The following TRIO variants were observed in gnomAD, a reference collection of about 807,000 sequenced individuals.
TRIO encodes trio Rho guanine nucleotide exchange factor, also known as triple functional domain protein.
A neutral mutation model predicts 351.9 loss-of-function variants in TRIO; 58 were observed. The ratio of observed to expected loss-of-function variants is 0.16; its 90% CI spans 0.13 to 0.21. TRIO has a LOEUF of 0.21. Among genes scored for constraint, TRIO ranks in the 10% least tolerant of loss-of-function variants. The pLI, the probability that TRIO is intolerant of heterozygous loss-of-function variation, is 1.00. For synonymous variants in TRIO, 1,758 were observed against 1,595.7 expected, an observed-to-expected ratio of 1.10 and a Z score of -2.42; for missense variants, 3,201 against 4,027.8, an observed-to-expected ratio of 0.79 and a Z score of 5.56.
intron 1 of TRIO, among the ~76,000 whole-genome samples, chr5:14,163,570 G>A (rs952608559): frequency 1.3e-5 from 2 of 152,190 alleles, no homozygotes; most frequent in African/African-American, 2.4e-5. Flanking sequence ...TCTAGCCTGG[G>A]TCTGATGTGT....
rs371809602 is a variant in TRIO at position 14,310,156 on chromosome 5, G to A, written c.1500+5564G>A. ...AGAGTGAAGCAGTGTAAACGTCGGA[G>A]ATAAGTTGTAGTCATTTTTAACATT... On this transcript the variant is annotated intron_variant, in intron 8 of 56. Transcript: ENST00000344204. Among the ~76,000 whole-genome samples the A allele has an allele frequency of 2.0e-5, 3 of 152,370 alleles. 1 individual carries two copies. The highest frequency in any genetic ancestry group is 1.9e-4 in the East Asian group (1 of 5,194).
At chr5:14,481,711 C>G in intron 45 of TRIO, 93 bp downstream of exon 45, 1 of 1,277,210 alleles carries the variant, frequency 7.8e-7, no homozygotes, top group Non-Finnish European at 1.1e-6. Flanking sequence ...AAAGCTGATC[C>G]TTTTCACTTG....
At chr5:14,360,772 C>G (rs955190182) in intron 13 of TRIO, among the ~76,000 whole-genome samples, 7 of 152,242 alleles carry the variant, frequency 4.6e-5, no homozygotes, top group African/African-American at 1.4e-4. Flanking sequence ...GATGCCTTTG[C>G]TTGGCCACTT....
intron 1 of TRIO, among the ~76,000 whole-genome samples, chr5:14,202,610 G>A (rs1004422839): frequency 2.0e-5 from 3 of 151,098 alleles, no homozygotes; most frequent in Admixed American, 2.0e-4. Context: ...AATCTTCAGG[G>A]TGGTTTACCC....
At position 14,504,560 on chromosome 5, in the gene TRIO, A is replaced by T. The variant is rs746294156; in HGVS notation, c.8579A>T (p.Glu2860Val). The T allele has an allele frequency of 3.3e-5, 54 of 1,613,942 alleles. No homozygotes were observed. The highest frequency in any genetic ancestry group is 4.5e-5 in the Non-Finnish European group (53 of 1,180,008). ...PLLVGLLDTF[E>V]TPTSYILVLE... ...CTTGTCGGCCTCCTCGACACCTTTG[A>T]GACCCCCACCAGCTACATCCTGGTC... The change falls in exon 55 of 57, where the codon GAG (glutamate) becomes GTG (valine). Residue 2860 changes from glutamate (E) to valine (V), a missense_variant. Physicochemically the swap from Glu to Val is moderately radical, Grantham distance 121 (BLOSUM62 -2). This residue lies in a region of TRIO where 1,089 missense variants were observed against 954.9 expected (regional missense o/e 1.14). Transcript: ENST00000344204.
chr5:14,177,787 T>G (rs1322600790), intron 1 of TRIO, among the ~76,000 whole-genome samples: 1 of 152,082 alleles, frequency 6.6e-6, no homozygotes, highest in East Asian at 1.9e-4. Context: ...GCTGAGTATA[T>G]GGACTGCAGG....
chr5:14,369,932 G>A (rs1744931236), intron 18 of TRIO, among the ~76,000 whole-genome samples: 1 of 152,202 alleles, frequency 6.6e-6, no homozygotes, highest in African/African-American at 2.4e-5. Context: ...CAGAAGAGGT[G>A]TAAGCACGGC....
chr5:14,349,295 C>T lies in TRIO; in HGVS notation c.2047-8883C>T, dbSNP rs146214603. Among the ~76,000 whole-genome samples the T allele has an allele frequency of 3.5e-4, 47 of 135,662 alleles. No individual in the cohort carries two copies. The East Asian group carries it at 9.4e-3, about 27-fold the overall frequency. 89.0% of individuals were successfully genotyped at this position (135,662 alleles called of 152,430 possible). ...GTGTGTATGTGTGTACGCACGTGAG[C>T]ATGTGTTTTTCCTGTGTGTATATGT... On this transcript the variant is annotated intron_variant, in intron 11 of 56. Transcript: ENST00000344204.
chr5:14,150,699 C>T (rs1206115096), intron 1 of TRIO, among the ~76,000 whole-genome samples: 20 of 152,132 alleles, frequency 1.3e-4, no homozygotes, highest in Non-Finnish European at 1.5e-5. Context: ...AAAGCCAAAG[C>T]TCATATAAGT....
At chr5:14,292,021 A>C (rs1736960805) in intron 5 of TRIO, among the ~76,000 whole-genome samples, 1 of 152,192 alleles carries the variant, frequency 6.6e-6, no homozygotes, top group South Asian at 2.1e-4. Flanking sequence ...TGGCTAATTG[A>C]ATCTTAGCAA....
At chr5:14,383,164 G>T (rs1384009412) in intron 21 of TRIO, among the ~76,000 whole-genome samples, 1 of 152,138 alleles carries the variant, frequency 6.6e-6, no homozygotes, top group Non-Finnish European at 1.5e-5. Context: ...TCTACAAAAA[G>T]AATTTTTTTT....
At chr5:14,357,869 G>C (rs1393343111) in intron 11 of TRIO, among the ~76,000 whole-genome samples, 2 of 152,224 alleles carry the variant, frequency 1.3e-5, no homozygotes, top group Admixed American at 1.3e-4. Context: ...AGCCTCGGGA[G>C]AATGGGAAAG....
Position 14,508,480 on chromosome 5 carries a change from T to C in TRIO, c.*58T>C. ...CCTGCCAATCAGCTGTTAATCTGAA[T>C]TTTCAAGAGAAAACAAGCAAACATA... On this transcript the variant is annotated 3_prime_UTR_variant, in exon 57 of 57. Transcript: ENST00000344204. The C allele has an allele frequency of 6.5e-7, 1 of 1,527,790 alleles. No homozygotes were observed. Among genetic ancestry groups the C allele is most frequent in the South Asian group, 1.3e-5 (1 of 76,264 alleles). 94.6% of individuals were successfully genotyped at this position (1,527,790 alleles called of 1,614,324 possible). A position where few individuals can be genotyped will look rare whatever the true frequency, so the allele number is the denominator to read the frequency against.
chr5:14,161,070 C>T (rs937696512), intron 1 of TRIO, among the ~76,000 whole-genome samples: 5 of 152,036 alleles, frequency 3.3e-5, no homozygotes, highest in Admixed American at 1.3e-4. Flanking sequence ...CCACCACACC[C>T]GGCTAATTTT....
intron 56 of TRIO, among the ~76,000 whole-genome samples, 170 bp from the exon 57 acceptor site, chr5:14,507,710 C>G (rs1017633548): frequency 6.6e-6 from 1 of 152,162 alleles, no homozygotes; most frequent in Non-Finnish European, 1.5e-5. Flanking sequence ...GTCATCTCTT[C>G]CTCCTCACCC....
chr5:14,371,646 T>C (rs1357627055), intron 18 of TRIO, among the ~76,000 whole-genome samples: 22 of 150,916 alleles, frequency 1.5e-4, no homozygotes, highest in Non-Finnish European at 1.2e-4. Flanking sequence ...GTAAATGTTT[T>C]TTTTTTTTTT....
chr5:14,313,174 A>G (rs1367860666), intron 8 of TRIO, among the ~76,000 whole-genome samples: 1 of 152,240 alleles, frequency 6.6e-6, no homozygotes, highest in Non-Finnish European at 1.5e-5. Flanking sequence ...TGTCACTATC[A>G]GTAAATGACA....
Position 14,240,536 on chromosome 5 carries a change from G to A in TRIO, c.158-30289G>A, listed in dbSNP as rs551452935. Among the ~76,000 whole-genome samples the A allele has an allele frequency of 8.7e-4, 132 of 152,276 alleles. 1 individual carries two copies. Among genetic ancestry groups the A allele is most frequent in the South Asian group, 1.5e-3 (7 of 4,826 alleles). On this transcript the variant is annotated intron_variant, in intron 1 of 56. Coordinates refer to ENST00000344204, the MANE Select transcript of TRIO (RefSeq NM_007118.4). ...GAACAGTTGCATTTAAGCATTATCA[G>A]CATTAAAAACATATTTGGGATGAAA...
chr5:14,273,792 A>G (rs1322768048), intron 2 of TRIO, among the ~76,000 whole-genome samples: 2 of 152,244 alleles, frequency 1.3e-5, no homozygotes, highest in African/African-American at 2.4e-5. Flanking sequence ...TTCCTATGCC[A>G]CTAGGGTTTG....
Sources: allele counts gnomAD v4.1 joint callset (sites outside exome capture counted in the v4.1 genomes callset), GRCh38; gene constraint gnomAD v4.1.1; regional missense constraint gnomAD v4.1.1; transcripts MANE v1.5; gene names NCBI Gene and HGNC (gene_info 2026-07-23, HGNC 2026-07-21).